The following ZZZ3 variants were observed in gnomAD, a reference collection of about 807,000 sequenced individuals.
ZZZ3 encodes zinc finger ZZ-type containing 3, also known as ZZ-type zinc finger-containing protein 3.
Under a neutral mutation model 95.2 loss-of-function variants are expected in ZZZ3, and 22 were observed. The observed-to-expected ratio is 0.23, with a 90% CI of 0.17 to 0.33. The LOEUF is 0.33. Ranked by LOEUF, ZZZ3 falls within the 10% of genes least tolerant of loss-of-function variation. The pLI is 1.00. For synonymous variants in ZZZ3, 335 were observed against 358.9 expected, an observed-to-expected ratio of 0.93 and a Z score of 0.75; for missense variants, 885 against 1,066.5, an observed-to-expected ratio of 0.83 and a Z score of 2.37.
intron 5 of ZZZ3, among the ~76,000 whole-genome samples, chr1:77,629,270 T>C (rs1667582207): frequency 6.6e-6 from 1 of 152,010 alleles, no homozygotes; most frequent in East Asian, 1.9e-4. Context: ...TGATACTCCA[T>C]CTCATTTCTG....
At chr1:77,636,169 C>T (rs1668281208) in intron 4 of ZZZ3, among the ~76,000 whole-genome samples, 1 of 152,074 alleles carries the variant, frequency 6.6e-6, no homozygotes, top group Admixed American at 6.6e-5. Flanking sequence ...AATAGAAATA[C>T]TTTATAAACA....
intron 1 of ZZZ3, among the ~76,000 whole-genome samples, chr1:77,669,611 C>A (rs1312870119): frequency 6.6e-6 from 1 of 151,960 alleles, no homozygotes; most frequent in Non-Finnish European, 1.5e-5. Flanking sequence ...GCACCCACCA[C>A]CATACCTGGC....
At chr1:77,653,237 T>C (rs183400963) in intron 1 of ZZZ3, among the ~76,000 whole-genome samples, 3 of 151,906 alleles carry the variant, frequency 2.0e-5, no homozygotes, top group Non-Finnish European at 2.9e-5. Flanking sequence ...GGCAAATCCA[T>C]AGAGACAAAA....
intron 1 of ZZZ3, among the ~76,000 whole-genome samples, chr1:77,674,521 G>C (rs1277764337): frequency 6.6e-6 from 1 of 152,142 alleles, no homozygotes; most frequent in Non-Finnish European, 1.5e-5. Flanking sequence ...GTTCTTCTTA[G>C]TGACGATTAC....
At chr1:77,665,438 C>A (rs887831575) in intron 1 of ZZZ3, among the ~76,000 whole-genome samples, 1 of 152,168 alleles carries the variant, frequency 6.6e-6, no homozygotes, top group African/African-American at 2.4e-5. Context: ...GACTGCCCAA[C>A]GTCCATGATT....
rs758871562 is a variant in ZZZ3, at chr1:77,580,987, ATATT to A, written c.1980+7_1980+10del. On this transcript the variant is annotated splice_region_variant and intron_variant, in intron 9 of 14. Transcript: ENST00000370801. ...TTTTTTAAGCCTACACGATTTTGAAATATTTATTACCTGTTCTTCAACAGTCCAC... is the reference window on the plus strand; with the variant it reads ...TTTTTTAAGCCTACACGATTTTGAAATATTACCTGTTCTTCAACAGTCCAC... 3.8e-5 allele frequency: 61 copies of A among 1,611,930 alleles called. No individual in the cohort carries two copies. Among genetic ancestry groups the A allele is most frequent in the Non-Finnish European group, 5.0e-5 (59 of 1,178,176 alleles).
chr1:77,642,907 C>T (rs1668915451), intron 1 of ZZZ3, among the ~76,000 whole-genome samples: 1 of 152,056 alleles, frequency 6.6e-6, no homozygotes, highest in Non-Finnish European at 1.5e-5. Flanking sequence ...AACACAATTC[C>T]TTATTCACTT....
intron 12 of ZZZ3, 100 bp downstream of exon 12, chr1:77,575,968 A>G: frequency 2.9e-6 from 3 of 1,037,216 alleles, no homozygotes; most frequent in Non-Finnish European, 4.0e-6. Flanking sequence ...TGACTTGTTC[A>G]TTAAAAGAAA....
chr1:77,565,472 A>C lies in ZZZ3; in HGVS notation c.*168T>G. 1.6e-6 allele frequency: 1 copy of C among 624,332 alleles called. No individual in the cohort carries two copies. The highest frequency in any genetic ancestry group is 2.6e-6 in the Non-Finnish European group (1 of 380,718). The allele number at this position is 624,332 out of a possible 1,614,324, so 38.7% of individuals were successfully genotyped here. ...ATGTTCAGCTGCTGAACAGTGATCT[A>C]GAGCCACAACGGTGCAGAGCTGTAC... is the stretch of plus-strand genomic sequence containing the variant. On this transcript the variant is annotated 3_prime_UTR_variant, in exon 15 of 15. Coordinates refer to ENST00000370801, the MANE Select transcript of ZZZ3 (RefSeq NM_015534.6).
At chr1:77,576,320 G>A (rs1661935631) in intron 11 of ZZZ3, 100 bp from the exon 12 acceptor site, 2 of 953,898 alleles carry the variant, frequency 2.1e-6, no homozygotes, top group Non-Finnish European at 3.1e-6. Flanking sequence ...TCTATCAGAA[G>A]AATTTCACTC....
chr1:77,649,855 G>A (rs1011734891), intron 1 of ZZZ3, among the ~76,000 whole-genome samples: 1 of 149,602 alleles, frequency 6.7e-6, no homozygotes, highest in Non-Finnish European at 1.5e-5. Context: ...CCTGGGCAAC[G>A]AGAACAAAAC....
At chr1:77,655,494 C>A (rs1670189211) in intron 1 of ZZZ3, among the ~76,000 whole-genome samples, 1 of 152,158 alleles carries the variant, frequency 6.6e-6, no homozygotes, top group South Asian at 2.1e-4. Context: ...TGGGCCGTTG[C>A]CAACACTTAA....
At chr1:77,606,608 C>CCA (rs1665260795) in intron 5 of ZZZ3, among the ~76,000 whole-genome samples, 1 of 152,248 alleles carries the variant, frequency 6.6e-6, no homozygotes, top group East Asian at 1.9e-4. Context: ...GCTTGTCACC[C>CCA]CATGCCCAGC....
intron 12 of ZZZ3, among the ~76,000 whole-genome samples, chr1:77,575,242 T>G (rs1436942860): frequency 6.6e-6 from 1 of 152,202 alleles, no homozygotes; most frequent in African/African-American, 2.4e-5. Flanking sequence ...CTTTTCTATA[T>G]GTACCTCAGA....
chr1:77,565,606 T>A lies in ZZZ3; in HGVS notation c.*34A>T, dbSNP rs755629868. 1 of 1,603,914 alleles carries A rather than the reference T, an allele frequency of 6.2e-7. No individual in the cohort carries two copies. The highest frequency in any genetic ancestry group is 8.5e-7 in the Non-Finnish European group (1 of 1,174,178). ...TAACAATGATACCATTGCTATGTGT[T>A]GAAGAGGACTAGTAAATGATGTTCT... is the stretch of plus-strand genomic sequence containing the variant. On this transcript the variant is annotated 3_prime_UTR_variant, in exon 15 of 15. Transcript: ENST00000370801.
intron 5 of ZZZ3, among the ~76,000 whole-genome samples, chr1:77,600,974 T>C (rs541099340): frequency 6.6e-6 from 1 of 152,232 alleles, no homozygotes; most frequent in African/African-American, 2.4e-5. Context: ...ATCACAAAAG[T>C]TTTGCATTTT....
At chr1:77,590,970 CA>C (rs1663630661) in intron 5 of ZZZ3, among the ~76,000 whole-genome samples, 1 of 152,104 alleles carries the variant, frequency 6.6e-6, no homozygotes, top group South Asian at 2.1e-4. Context: ...GAAGGTTATG[CA>C]GATTCTTATC....
At chr1:77,648,583 G>A (rs529106019) in intron 1 of ZZZ3, among the ~76,000 whole-genome samples, 69 of 152,134 alleles carry the variant, frequency 4.5e-4, no homozygotes, top group African/African-American at 1.6e-3. Flanking sequence ...AAAACACAGA[G>A]TTTGGAATGA....
intron 1 of ZZZ3, among the ~76,000 whole-genome samples, chr1:77,673,490 G>T (rs377575201): frequency 6.6e-5 from 10 of 152,192 alleles, no homozygotes; most frequent in African/African-American, 2.4e-4. Flanking sequence ...CCAGCTACTC[G>T]GGAGTCTGAG....
Sources: allele counts gnomAD v4.1 joint callset (sites outside exome capture counted in the v4.1 genomes callset), GRCh38; gene constraint gnomAD v4.1.1; transcripts MANE v1.5; gene names NCBI Gene and HGNC (gene_info 2026-07-23, HGNC 2026-07-21).